The following NRG3 variants were observed in gnomAD, a reference collection of about 807,000 sequenced individuals.
NRG3 encodes pro-neuregulin-3, membrane-bound isoform.
Under a neutral mutation model 66.9 loss-of-function variants are expected in NRG3, and 31 were observed. That is an observed-to-expected ratio of 0.46 (90% CI 0.35 to 0.63). The LOEUF (loss-of-function observed/expected upper bound fraction) is 0.63. Ranked by LOEUF, NRG3 falls within the 20% of genes least tolerant of loss-of-function variation. The pLI is 0.00. For missense variants in NRG3, 910 were observed against 878.9 expected (o/e 1.04, Z -0.45); for synonymous variants, 393 against 359.4 (o/e 1.09, Z -1.06).
chr10:82,152,902 T>C (rs2070882138), intron 1 of NRG3, among the ~76,000 whole-genome samples: 2 of 151,794 alleles, frequency 1.3e-5, no homozygotes, highest in Admixed American at 1.3e-4. Flanking sequence ...TCTTTCTTCT[T>C]TCTCCTTTTT....
At chr10:82,494,762 A>G (rs980302298) in intron 2 of NRG3, among the ~76,000 whole-genome samples, 5 of 152,056 alleles carry the variant, frequency 3.3e-5, no homozygotes, top group African/African-American at 4.8e-5. Context: ...GTATGTGGTG[A>G]CTTGCTACTA....
intron 2 of NRG3, among the ~76,000 whole-genome samples, chr10:82,469,646 C>G (rs561377596): frequency 6.6e-6 from 1 of 152,266 alleles, no homozygotes; most frequent in Admixed American, 6.5e-5. Context: ...GGAGAGCCAG[C>G]CTCTGAGTAC....
intron 1 of NRG3, among the ~76,000 whole-genome samples, chr10:82,284,217 G>T (rs570036879): frequency 2.0e-5 from 3 of 152,326 alleles, no homozygotes; most frequent in African/African-American, 7.2e-5. Context: ...ATGGTCAGAT[G>T]CTAATGCCAG....
chr10:82,627,260 T>G (rs988243384), intron 2 of NRG3, among the ~76,000 whole-genome samples: 1 of 152,108 alleles, frequency 6.6e-6, no homozygotes, highest in Non-Finnish European at 1.5e-5. Context: ...CTTCTCCATT[T>G]AAATCACTTT....
intron 1 of NRG3, among the ~76,000 whole-genome samples, chr10:82,256,672 A>T (rs1354281247): frequency 1.3e-5 from 2 of 152,172 alleles, no homozygotes; most frequent in Admixed American, 1.3e-4. Flanking sequence ...AAAATTTTGA[A>T]CTGGGGAATA....
intron 1 of NRG3, among the ~76,000 whole-genome samples, chr10:81,920,808 T>TA (rs1846185110): frequency 6.6e-6 from 1 of 152,174 alleles, no homozygotes; most frequent in Non-Finnish European, 1.5e-5. Context: ...TTTTCCTTGT[T>TA]ATACATCTAC....
chr10:82,647,092 G>A (rs1427323979), intron 2 of NRG3, among the ~76,000 whole-genome samples: 1 of 151,724 alleles, frequency 6.6e-6, no homozygotes, highest in African/African-American at 2.4e-5. Flanking sequence ...CCATGCTGGT[G>A]TGCTGCACCC....
At chr10:82,131,297 A>G (rs11192646) in intron 1 of NRG3, among the ~76,000 whole-genome samples, 9,210 of 152,016 alleles carry the variant, frequency 0.061, 681 homozygotes, top group African/African-American at 0.18. Context: ...TAAAGAGACT[A>G]CCCTTTCCCC....
chr10:82,299,814 G>A (rs2080290074), intron 1 of NRG3, among the ~76,000 whole-genome samples: 1 of 151,994 alleles, frequency 6.6e-6, no homozygotes, highest in Non-Finnish European at 1.5e-5. Flanking sequence ...AGAGACAAGG[G>A]AATTCCCCAA....
intron 4 of NRG3, among the ~76,000 whole-genome samples, chr10:82,866,729 G>A (rs1426210725): frequency 1.3e-5 from 2 of 152,150 alleles, no homozygotes; most frequent in Non-Finnish European, 2.9e-5. Context: ...TCATGAGAGC[G>A]CTTGAACAAG....
chr10:82,457,458 G>A (rs1256286802), intron 2 of NRG3, among the ~76,000 whole-genome samples: 1 of 152,104 alleles, frequency 6.6e-6, no homozygotes, highest in Non-Finnish European at 1.5e-5. Context: ...AGGTGGTAAT[G>A]CTCGCTTACC....
intron 2 of NRG3, among the ~76,000 whole-genome samples, chr10:82,541,824 C>G (rs918531204): frequency 1.3e-5 from 2 of 152,110 alleles, no homozygotes; most frequent in Non-Finnish European, 2.9e-5. Context: ...AACTGCAGTC[C>G]ACCGATACCA....
At chr10:82,293,926 A>ATT (rs5786543) in intron 1 of NRG3, among the ~76,000 whole-genome samples, 26 of 151,212 alleles carry the variant, frequency 1.7e-4, no homozygotes, top group African/African-American at 4.4e-4. Context: ...TATTTTTGCA[A>ATT]TTTTTTTTTC....
chr10:81,891,195 A>T (rs566294322), intron 1 of NRG3, among the ~76,000 whole-genome samples: 6 of 152,110 alleles, frequency 3.9e-5, no homozygotes, highest in Non-Finnish European at 7.4e-5. Context: ...GAGCTCTTTG[A>T]ACATTTGAGA....
At chr10:82,170,695 T>C (rs1221128494) in intron 1 of NRG3, among the ~76,000 whole-genome samples, 1 of 132,762 alleles carries the variant, frequency 7.5e-6, no homozygotes. Flanking sequence ...TATATATATA[T>C]ATGTAAATAT....
chr10:82,138,257 T>C (rs2069509247), intron 1 of NRG3, among the ~76,000 whole-genome samples: 1 of 152,112 alleles, frequency 6.6e-6, no homozygotes, highest in African/African-American at 2.4e-5. Context: ...TTTGAAAACA[T>C]TTTTCCTGGG....
intron 2 of NRG3, among the ~76,000 whole-genome samples, chr10:82,369,097 A>G (rs190563966): frequency 7.2e-6 from 1 of 138,192 alleles, no homozygotes; most frequent in Non-Finnish European, 1.5e-5. Context: ...TCTGATCATC[A>G]TTTACAAACA....
chr10:82,316,619 G>T (rs1044184293), intron 1 of NRG3, among the ~76,000 whole-genome samples: 1 of 152,104 alleles, frequency 6.6e-6, no homozygotes, highest in Non-Finnish European at 1.5e-5. Context: ...GCTCCTGGCC[G>T]CACTTCTGTC....
intron 1 of NRG3, among the ~76,000 whole-genome samples, chr10:82,358,217 TA>T (rs1378198990): frequency 6.6e-6 from 1 of 152,186 alleles, no homozygotes; most frequent in East Asian, 1.9e-4. Context: ...ATTTGCATTT[TA>T]ATTACATAAT....
Sources: gnomAD v4.1 joint callset for allele counts (sites outside exome capture counted in the v4.1 genomes callset) on GRCh38, gnomAD v4.1.1 for gene constraint, MANE v1.5 for transcripts, NCBI Gene and HGNC (gene_info 2026-07-23, HGNC 2026-07-21) for gene names.